Variants in VPS13C observed in about 807,000 individuals in gnomAD.
VPS13C encodes the protein intermembrane lipid transfer protein VPS13C.
Under a neutral mutation model 456.8 loss-of-function variants are expected in VPS13C, and 358 were observed. The observed-to-expected ratio is 0.78, with a 90% confidence interval of 0.72 to 0.86. The LOEUF (loss-of-function observed/expected upper bound fraction) is 0.86, where lower values mean the gene tolerates loss of function less well. Among genes scored for constraint, VPS13C ranks in the 40% least tolerant of loss-of-function variants. The pLI, the probability that VPS13C is intolerant of heterozygous loss-of-function variation, is 0.00. For missense variants in VPS13C, 4,818 were observed against 4,385.4 expected, an observed-to-expected ratio of 1.10 and a Z score of -2.79; for synonymous variants, 1,578 against 1,486.7, an observed-to-expected ratio of 1.06 and a Z score of -1.41.
At chr15:62,005,441 A>G (rs1379271651) in intron 15 of VPS13C, among the ~76,000 whole-genome samples, 1 of 152,162 alleles carries the variant, frequency 6.6e-6, no homozygotes, top group Non-Finnish European at 1.5e-5. Flanking sequence ...TCCTGAATAC[A>G]GCACACTGAT....
intron 65 of VPS13C, among the ~76,000 whole-genome samples, chr15:61,908,573 C>G (rs1475953064): frequency 2.0e-5 from 3 of 151,998 alleles, no homozygotes; most frequent in Non-Finnish European, 2.9e-5. Context: ...AAACTAAATA[C>G]AGATTTATAG....
At chr15:61,947,097 C>T (rs2044630872) in intron 43 of VPS13C, 96 bp downstream of exon 43, 2 of 791,484 alleles carry the variant, frequency 2.5e-6, no homozygotes, top group South Asian at 2.1e-5. Context: ...ATAAGTAAAC[C>T]AAAAGAAAAC....
rs200565894 is a variant in VPS13C at position 61,918,297 on chromosome 15, G to C, written c.7639-40C>G. ...AAAATACAAGTTTTTTAAAAGATAT[G>C]TAAGTTCGAAAGAAAAAATGAGAGC... is the stretch of plus-strand genomic sequence containing the variant. On this transcript the variant is annotated intron_variant, in intron 58 of 84. Coordinates refer to ENST00000644861, the MANE Select transcript of VPS13C (RefSeq NM_020821.3). 22 of 1,485,060 alleles carry C rather than the reference G, an allele frequency of 1.5e-5. No homozygotes were observed. In the Middle Eastern group the frequency reaches 1.3e-3, roughly 87 times the overall value. 92.0% of individuals were successfully genotyped at this position (1,485,060 alleles called of 1,614,324 possible). A position where few individuals can be genotyped will look rare whatever the true frequency, so the allele number is the denominator to read the frequency against.
At chr15:62,020,624 T>G in intron 8 of VPS13C, 86 bp from the exon 9 acceptor site, 1 of 1,364,576 alleles carries the variant, frequency 7.3e-7, no homozygotes, top group Admixed American at 2.0e-5. Flanking sequence ...GAGGGAAATG[T>G]GTTTACAGGT....
chr15:62,028,724 C>T (rs1324013349), intron 5 of VPS13C, among the ~76,000 whole-genome samples: 1 of 151,980 alleles, frequency 6.6e-6, no homozygotes, highest in African/African-American at 2.4e-5. Context: ...AGTTTTCAAA[C>T]AGTGCAAAAA....
chr15:61,862,565 A>T (rs1256405071), intron 82 of VPS13C, among the ~76,000 whole-genome samples: 3 of 152,230 alleles, frequency 2.0e-5, no homozygotes, highest in African/African-American at 7.2e-5. Flanking sequence ...TTTTTGGCTT[A>T]ATCTATTGAA....
At chr15:62,037,486 A>G (rs1004441300) in intron 3 of VPS13C, among the ~76,000 whole-genome samples, 3 of 110,536 alleles carry the variant, frequency 2.7e-5, no homozygotes, top group African/African-American at 1.5e-4. Flanking sequence ...ATTATATTGT[A>G]AGAATATAAT....
In VPS13C at chr15:62,041,296, T is replaced by C. The variant is rs187691938; in HGVS notation, c.187+28A>G. The C allele has an allele frequency of 4.4e-3, 6,944 of 1,587,300 alleles. 23 individuals are homozygous for C. The highest frequency in any genetic ancestry group is 0.014 in the Middle Eastern group (83 of 5,998). The stretch of plus-strand genomic sequence containing the variant: ...AAATAGAAAACAATAGGACCAAGAA[T>C]AATTCAAATGAAGACTAAAGTACTT... On this transcript the variant is annotated intron_variant, in intron 3 of 84. Coordinates refer to ENST00000644861, the MANE Select transcript of VPS13C (RefSeq NM_020821.3).
chr15:61,992,770 G>C (rs1404046931), intron 16 of VPS13C, among the ~76,000 whole-genome samples: 1 of 152,028 alleles, frequency 6.6e-6, no homozygotes, highest in East Asian at 1.9e-4. Flanking sequence ...CTGCACAAAA[G>C]AATCATCTAG....
At chr15:61,916,281 A>G (rs2140164184) in intron 60 of VPS13C, among the ~76,000 whole-genome samples, 1 of 152,302 alleles carries the variant, frequency 6.6e-6, no homozygotes, top group Admixed American at 6.5e-5. Context: ...AATCAGGTCT[A>G]TATCAAGAGT....
chr15:61,923,605 A>T (rs1467878342), intron 53 of VPS13C, among the ~76,000 whole-genome samples: 1 of 151,958 alleles, frequency 6.6e-6, no homozygotes, highest in Non-Finnish European at 1.5e-5. Context: ...GCTAGCCAGG[A>T]TTCTCCCAAA....
At chr15:61,870,416 A>G (rs1894933740) in intron 79 of VPS13C, among the ~76,000 whole-genome samples, 1 of 152,120 alleles carries the variant, frequency 6.6e-6, no homozygotes, top group South Asian at 2.1e-4. Flanking sequence ...TCTACTTAGC[A>G]TCATGTTTTC....
At chr15:62,015,497 T>C (rs568607317) in intron 9 of VPS13C, among the ~76,000 whole-genome samples, 6 of 151,110 alleles carry the variant, frequency 4.0e-5, no homozygotes, top group South Asian at 4.2e-4. Context: ...TGCGGCACTA[T>C]TCACAATAGC....
chr15:61,949,486 C>T lies in VPS13C; in HGVS notation c.4716G>A (p.Leu1572=), dbSNP rs200809390. The T allele has an allele frequency of 1.2e-4, 187 of 1,613,504 alleles. No individual in the cohort carries two copies. The highest frequency in any genetic ancestry group is 1.5e-4 in the Non-Finnish European group (175 of 1,179,820). Residue 1572 remains leucine (L), a synonymous_variant, in exon 42 of 85, where the codon CTG becomes CTA. Transcript: ENST00000644861. ...EPSSSEKESE[L]KPLVGESRSI... Reference sequence around the variant, plus strand: ...TTCTGGACTCCCCCACAAGTGGTTTCAGCTCGGATTCCTTCTCAGAAGAGG... The same window carrying T: ...TTCTGGACTCCCCCACAAGTGGTTTTAGCTCGGATTCCTTCTCAGAAGAGG...
chr15:61,956,574 G>T (rs1476947949), intron 37 of VPS13C, among the ~76,000 whole-genome samples: 1 of 151,732 alleles, frequency 6.6e-6, no homozygotes, highest in Non-Finnish European at 1.5e-5. Flanking sequence ...ACCAACAAAG[G>T]GCTCATATTC....
chr15:61,868,764 T>C lies in VPS13C; in HGVS notation c.10758A>G (p.Glu3586=), dbSNP rs570003193. Residue 3586 remains glutamate, a synonymous_variant, in exon 81 of 85, where the codon GAA becomes GAG. Transcript: ENST00000644861. The part of the protein sequence containing the change: ...STFQGIQRAA[E]STEEVSSLRP... The stretch of plus-strand genomic sequence containing the variant: ...GGAGGCTAGATACTTCCTCAGTTGA[T>C]TCTGCTGCCCTGAATAAGGCATCAG... The C allele has an allele frequency of 1.9e-5, 31 of 1,613,838 alleles. No individual in the cohort carries two copies. In the African/African-American group the frequency reaches 3.3e-4, roughly 17 times the overall value.
chr15:61,914,656 G>A (rs899240309), intron 61 of VPS13C, among the ~76,000 whole-genome samples: 1 of 150,814 alleles, frequency 6.6e-6, no homozygotes, highest in Admixed American at 6.6e-5. Flanking sequence ...TGCCTCCCGG[G>A]TTCAAGTGAT....
chr15:61,896,508 C>T (rs965185559), intron 66 of VPS13C, among the ~76,000 whole-genome samples: 8 of 152,100 alleles, frequency 5.3e-5, no homozygotes, highest in African/African-American at 1.7e-4. Flanking sequence ...CCTGGAAAAT[C>T]GGGTCACTCC....
chr15:62,005,231 A>C (rs1173676835), intron 15 of VPS13C, among the ~76,000 whole-genome samples: 2 of 152,134 alleles, frequency 1.3e-5, no homozygotes, highest in Non-Finnish European at 2.9e-5. Context: ...TATATTTAGG[A>C]GAGTTAGCTC....
Sources: gnomAD v4.1 joint callset for allele counts (sites outside exome capture counted in the v4.1 genomes callset) on GRCh38, gnomAD v4.1.1 for gene constraint, MANE v1.5 for transcripts, NCBI Gene and HGNC (gene_info 2026-07-23, HGNC 2026-07-21) for gene names.